MALRD1: variants seen among roughly 807,000 people sequenced by gnomAD.
MALRD1 encodes the protein MAM and LDL receptor class A domain containing 1.
Under a neutral mutation model 242.1 loss-of-function variants are expected in MALRD1, and 247 were observed. That is an observed-to-expected ratio of 1.02 (90% CI 0.92 to 1.13). MALRD1 has a LOEUF of 1.13. MALRD1 is among the 50% of genes most tolerant of loss of function. The pLI, the probability that MALRD1 is intolerant of heterozygous loss-of-function variation, is 0.00. For missense variants in MALRD1, 2,989 were observed against 2,533.1 expected (o/e 1.18, Z -3.86); for synonymous variants, 995 against 866.6 (o/e 1.15, Z -2.60).
intron 36 of MALRD1, among the ~76,000 whole-genome samples, chr10:19,654,076 TA>T (rs1336396042): frequency 6.6e-6 from 1 of 152,156 alleles, no homozygotes; most frequent in Non-Finnish European, 1.5e-5. Context: ...CATAGCTATT[TA>T]AAGCATAATA....
chr10:19,690,080 G>C (rs192678200), intron 36 of MALRD1, among the ~76,000 whole-genome samples: 1 of 151,926 alleles, frequency 6.6e-6, no homozygotes, highest in African/African-American at 2.4e-5. Flanking sequence ...GGAAATTTTT[G>C]GGGGGTAGTG....
At chr10:19,380,093 G>A (rs1040380213) in intron 26 of MALRD1, among the ~76,000 whole-genome samples, 1 of 149,966 alleles carries the variant, frequency 6.7e-6, no homozygotes, top group East Asian at 2.0e-4. Context: ...TCCTGCCTTA[G>A]CCTCCCAAGT....
At chr10:19,535,654 T>C (rs1834643609) in intron 32 of MALRD1, among the ~76,000 whole-genome samples, 1 of 151,920 alleles carries the variant, frequency 6.6e-6, no homozygotes, top group African/African-American at 2.4e-5. Context: ...ATTTGTACTT[T>C]TTGAGATGAA....
chr10:19,478,434 A>T (rs1466682916), intron 29 of MALRD1, among the ~76,000 whole-genome samples: 1 of 152,174 alleles, frequency 6.6e-6, no homozygotes, highest in Non-Finnish European at 1.5e-5. Flanking sequence ...CTCTCAATAT[A>T]GCAATTAGAA....
In MALRD1 at chr10:19,133,956, AG is replaced by A. The variant is rs1418256305; in HGVS notation, c.1203+9del. 11 of 1,207,350 alleles carry A rather than the reference AG, an allele frequency of 9.1e-6. No homozygotes were observed. The highest frequency in any genetic ancestry group is 1.1e-5 in the Non-Finnish European group (11 of 966,222). 74.8% of individuals were successfully genotyped at this position (1,207,350 alleles called of 1,614,324 possible). On this transcript the variant is annotated intron_variant, in intron 9 of 39. Transcript: ENST00000454679. Reference sequence around the variant, plus strand: ...GATCTGAAGACATTTAAGGTATGAAAGAAAAAAAAAAAGTATTTTTTTATCA... The same window carrying A: ...GATCTGAAGACATTTAAGGTATGAAAAAAAAAAAAAAGTATTTTTTTATCA...
intron 24 of MALRD1, among the ~76,000 whole-genome samples, chr10:19,337,871 G>GC (rs1311850010): frequency 2.6e-5 from 4 of 151,836 alleles, no homozygotes; most frequent in African/African-American, 9.7e-5. Context: ...GACCATCCTA[G>GC]CCAACATTGT....
intron 31 of MALRD1, among the ~76,000 whole-genome samples, chr10:19,522,851 G>A (rs1833942609): frequency 6.6e-6 from 1 of 152,108 alleles, no homozygotes; most frequent in East Asian, 1.9e-4. Flanking sequence ...CATATTATTA[G>A]CTTGTAAGAT....
At chr10:19,141,237 A>G (rs1833530163) in intron 10 of MALRD1, among the ~76,000 whole-genome samples, 1 of 152,234 alleles carries the variant, frequency 6.6e-6, no homozygotes. Context: ...CACACGCTAC[A>G]ACATGGATGA....
At chr10:19,537,193 C>T (rs550757976) in intron 32 of MALRD1, among the ~76,000 whole-genome samples, 4 of 152,098 alleles carry the variant, frequency 2.6e-5, no homozygotes, top group East Asian at 1.9e-4. Context: ...GGGAAGCTAT[C>T]GGAGAGTATT....
At chr10:19,486,691 G>A (rs187441537) in intron 29 of MALRD1, among the ~76,000 whole-genome samples, 25 of 152,230 alleles carry the variant, frequency 1.6e-4, no homozygotes, top group African/African-American at 6.0e-4. Context: ...CATATTGAAT[G>A]TCATCAGCTT....
At chr10:19,144,248 C>A (rs1833650128) in intron 10 of MALRD1, among the ~76,000 whole-genome samples, 1 of 151,966 alleles carries the variant, frequency 6.6e-6, no homozygotes, top group Non-Finnish European at 1.5e-5. Context: ...GAACTTGAGC[C>A]CTGGGGAAAA....
chr10:19,289,066 AT>A lies in MALRD1; in HGVS notation c.3419+5892del, dbSNP rs568022117. 2.7e-3 allele frequency among the ~76,000 whole-genome samples: 406 copies of A among 151,934 alleles called. 2 individuals are homozygous for A. The highest frequency in any genetic ancestry group is 8.4e-3 in the African/African-American group (348 of 41,472). Reference sequence around the variant, plus strand: ...TAATTTTTAAAGTTTTTTATTCAAAATTTTTTTCTTTAATTTTTTTCCTTGG... The same window carrying A: ...TAATTTTTAAAGTTTTTTATTCAAAATTTTTTCTTTAATTTTTTTCCTTGG... On this transcript the variant is annotated intron_variant, in intron 21 of 39. Coordinates refer to ENST00000454679, the MANE Select transcript of MALRD1 (RefSeq NM_001142308.3).
At chr10:19,221,566 G>A (rs1245984288) in intron 18 of MALRD1, among the ~76,000 whole-genome samples, 1 of 152,096 alleles carries the variant, frequency 6.6e-6, no homozygotes, top group Non-Finnish European at 1.5e-5. Context: ...CTGATGCAAA[G>A]CTTAGTTTTC....
At chr10:19,234,128 A>G (rs1838199290) in intron 18 of MALRD1, among the ~76,000 whole-genome samples, 1 of 152,070 alleles carries the variant, frequency 6.6e-6, no homozygotes. Flanking sequence ...ATTAGGATCT[A>G]GTGACATTAT....
intron 14 of MALRD1, among the ~76,000 whole-genome samples, chr10:19,183,943 C>T (rs1223129235): frequency 6.6e-6 from 1 of 152,144 alleles, no homozygotes; most frequent in Non-Finnish European, 1.5e-5. Flanking sequence ...ACACCACACA[C>T]TGATGATGAT....
chr10:19,178,783 A>G (rs1448308193), intron 14 of MALRD1, among the ~76,000 whole-genome samples: 1 of 152,218 alleles, frequency 6.6e-6, no homozygotes, highest in Non-Finnish European at 1.5e-5. Context: ...CCAGGAAGAT[A>G]CGCGATTTTC....
intron 14 of MALRD1, among the ~76,000 whole-genome samples, chr10:19,193,714 C>T (rs1208841807): frequency 1.3e-5 from 2 of 151,924 alleles, no homozygotes; most frequent in Admixed American, 6.6e-5. Context: ...TAAGAGTTCC[C>T]TGTGAATTTT....
At chr10:19,673,421 C>T (rs1842009647) in intron 36 of MALRD1, among the ~76,000 whole-genome samples, 1 of 151,982 alleles carries the variant, frequency 6.6e-6, no homozygotes, top group African/African-American at 2.4e-5. Context: ...TTTGCCTTTT[C>T]CTTATATGAT....
chr10:19,557,241 G>T (rs1045135622), intron 32 of MALRD1, among the ~76,000 whole-genome samples: 1 of 151,918 alleles, frequency 6.6e-6, no homozygotes, highest in Non-Finnish European at 1.5e-5. Flanking sequence ...TCTCTAGCTT[G>T]TCTTTTCATT....
Sources: gnomAD v4.1 joint callset for allele counts (sites outside exome capture counted in the v4.1 genomes callset) on GRCh38, gnomAD v4.1.1 for gene constraint, MANE v1.5 for transcripts, NCBI Gene and HGNC (gene_info 2026-07-23, HGNC 2026-07-21) for gene names.